The following PI4KA variants were observed in gnomAD, a reference collection of about 807,000 sequenced individuals.
The protein encoded by PI4KA is phosphatidylinositol 4-kinase alpha, also known as PI4-kinase alpha.
PI4KA carries 122 observed loss-of-function variants against 271.4 expected under a neutral mutation model. The observed-to-expected ratio is 0.45, with a 90% CI of 0.39 to 0.52. The LOEUF (loss-of-function observed/expected upper bound fraction) is 0.52, where lower values mean the gene tolerates loss of function less well. PI4KA is among the 20% of genes least tolerant of loss of function. The pLI is 0.00. For synonymous variants in PI4KA, 1,041 were observed against 1,078.8 expected (o/e 0.96, Z 0.69); for missense variants, 1,969 against 2,769.1 (o/e 0.71, Z 6.48).
intron 40 of PI4KA, 56 bp downstream of exon 40, chr22:20,727,718 G>T: frequency 1.6e-6 from 2 of 1,284,324 alleles, no homozygotes; most frequent in Non-Finnish European, 2.3e-6. Context: ...ATTTCTGGGT[G>T]CAGTGTGCTA....
chr22:20,783,909 A>C, intron 19 of PI4KA: 4 of 1,609,308 alleles, frequency 2.5e-6, no homozygotes, highest in Non-Finnish European at 3.4e-6. Flanking sequence ...ATTCACTCTC[A>C]AGGGTGAGAC....
intron 19 of PI4KA, among the ~76,000 whole-genome samples, chr22:20,771,827 C>T (rs1932887871): frequency 6.6e-6 from 1 of 152,042 alleles, no homozygotes; most frequent in Non-Finnish European, 1.5e-5. Flanking sequence ...AGTGATCCAC[C>T]CGCCTTGGCC....
At chr22:20,744,558 G>A in intron 30 of PI4KA, 70 bp downstream of exon 30, 10 of 1,055,012 alleles carry the variant, frequency 9.5e-6, no homozygotes, top group Non-Finnish European at 1.5e-5. Context: ...TTTCCACTAG[G>A]AAGCGGCCAA....
chr22:20,773,929 A>G (rs1933039064), intron 19 of PI4KA: 1 of 152,238 alleles, frequency 6.6e-6, no homozygotes, highest in Non-Finnish European at 1.5e-5. Context: ...TGTCAGCTCT[A>G]AGAACTGGAG....
intron 19 of PI4KA, chr22:20,786,178 G>A (rs893542021): frequency 1.7e-5 from 28 of 1,612,376 alleles, no homozygotes; most frequent in Middle Eastern, 3.7e-4. Flanking sequence ...CCCCCGACCC[G>A]TCCCCAGGGT....
chr22:20,728,787 A>G (rs1354731973), intron 39 of PI4KA, among the ~76,000 whole-genome samples: 1 of 152,202 alleles, frequency 6.6e-6, no homozygotes, highest in Non-Finnish European at 1.5e-5. Flanking sequence ...GAGGCTGTGG[A>G]CCATCTGGTG....
intron 19 of PI4KA, among the ~76,000 whole-genome samples, chr22:20,770,549 G>A (rs1399649854): frequency 7.4e-6 from 1 of 135,234 alleles, no homozygotes; most frequent in Non-Finnish European, 1.6e-5. Context: ...GAGAGAGATC[G>A]GTTTTGCTAT....
chr22:20,796,073 G>T, intron 18 of PI4KA, 73 bp downstream of exon 18: 1 of 1,393,938 alleles, frequency 7.2e-7, no homozygotes, highest in Non-Finnish European at 1.0e-6. Context: ...AACCAAGATG[G>T]TGCCTGAAGA....
intron 32 of PI4KA, 152 bp downstream of exon 32, chr22:20,742,076 G>A (rs973522697): frequency 3.6e-5 from 27 of 753,712 alleles, no homozygotes; most frequent in Non-Finnish European, 5.4e-5. Flanking sequence ...TGACTGTCAG[G>A]TATAATAATA....
intron 7 of PI4KA, among the ~76,000 whole-genome samples, chr22:20,816,926 GA>G (rs1243231139): frequency 6.6e-6 from 1 of 152,198 alleles, no homozygotes; most frequent in Non-Finnish European, 1.5e-5. Flanking sequence ...TGTTTACCAG[GA>G]AAAGGGAAGC....
chr22:20,773,763 A>T (rs1338756512), intron 19 of PI4KA: 1 of 152,370 alleles, frequency 6.6e-6, no homozygotes, highest in East Asian at 1.9e-4. Context: ...ACACAGTTGG[A>T]GGCAGATGCA....
chr22:20,716,831 C>CA (rs1447698984), intron 45 of PI4KA, among the ~76,000 whole-genome samples: 1 of 152,254 alleles, frequency 6.6e-6, no homozygotes, highest in Non-Finnish European at 1.5e-5. Context: ...GAGCTCAACA[C>CA]AATGTGTTGG....
intron 1 of PI4KA, 113 bp downstream of exon 1, chr22:20,858,456 CA>C: frequency 1.3e-6 from 1 of 754,204 alleles, no homozygotes; most frequent in Middle Eastern, 4.3e-4. Flanking sequence ...CCCCCTCCCG[CA>C]CAGGCTGCCG....
At chr22:20,724,822 A>G (rs936754828) in intron 42 of PI4KA, among the ~76,000 whole-genome samples, 1 of 152,024 alleles carries the variant, frequency 6.6e-6, no homozygotes, top group Admixed American at 6.6e-5. Flanking sequence ...CTAGGCCTGT[A>G]TGCAAGCAGA....
At chr22:20,742,073 C>T (rs1181554648) in intron 32 of PI4KA, among the ~76,000 whole-genome samples, 155 bp downstream of exon 32, 2 of 152,192 alleles carry the variant, frequency 1.3e-5, no homozygotes, top group African/African-American at 4.8e-5. Flanking sequence ...CTGTGACTGT[C>T]AGGTATAATA....
intron 15 of PI4KA, 103 bp from the exon 16 acceptor site, chr22:20,799,379 C>T: frequency 9.1e-7 from 1 of 1,104,344 alleles, no homozygotes; most frequent in Non-Finnish European, 1.3e-6. Context: ...TCATAACAGT[C>T]TTGATGCAGT....
At chr22:20,766,608 T>C (rs373990231) in intron 19 of PI4KA, among the ~76,000 whole-genome samples, 165 of 152,282 alleles carry the variant, frequency 1.1e-3, no homozygotes, top group African/African-American at 3.5e-3. Flanking sequence ...GAGGTTGCAG[T>C]GAGCCAAGAT....
At chr22:20,779,280 T>G (rs985531316) in intron 19 of PI4KA, 8 of 1,613,592 alleles carry the variant, frequency 5.0e-6, no homozygotes, top group Non-Finnish European at 6.8e-6. Flanking sequence ...TTCACTGTGT[T>G]CTGTTTTCCC....
intron 22 of PI4KA, among the ~76,000 whole-genome samples, chr22:20,763,826 C>T (rs1932245899): frequency 6.6e-6 from 1 of 152,172 alleles, no homozygotes; most frequent in Non-Finnish European, 1.5e-5. Context: ...TCACTGATTT[C>T]CACATTTGGC....
Sources: allele counts gnomAD v4.1 joint callset (sites outside exome capture counted in the v4.1 genomes callset), GRCh38; gene constraint gnomAD v4.1.1; transcripts MANE v1.5; gene names NCBI Gene and HGNC (gene_info 2026-07-23, HGNC 2026-07-21).